PDE4A: variants seen among roughly 807,000 people sequenced by gnomAD.
PDE4A encodes the protein phosphodiesterase 4A, also known as 3',5'-cyclic-AMP phosphodiesterase 4A.
Under a neutral mutation model 73.9 loss-of-function variants are expected in PDE4A, and 21 were observed. That is an observed-to-expected ratio of 0.28 (90% CI 0.20 to 0.41). PDE4A has a LOEUF of 0.41. PDE4A is among the 10% of genes least tolerant of loss of function. The pLI, the probability that PDE4A is intolerant of heterozygous loss-of-function variation, is 1.00. For synonymous variants in PDE4A, 463 were observed against 505.4 expected (o/e 0.92, Z 1.13); for missense variants, 958 against 1,211.4 (o/e 0.79, Z 3.10).
intron 2 of PDE4A, chr19:10,448,688 C>CT (rs2043047552): frequency 3.2e-6 from 1 of 309,474 alleles, no homozygotes; most frequent in Non-Finnish European, 4.7e-6. Context: ...CCCTTTTCCA[C>CT]TTTGTCTCTT....
intron 2 of PDE4A, among the ~76,000 whole-genome samples, chr19:10,447,164 T>G (rs1258435361): frequency 4.1e-5 from 6 of 147,918 alleles, no homozygotes; most frequent in Admixed American, 2.7e-4. Context: ...CCTCCCAGAT[T>G]GCTGGGATTA....
intron 1 of PDE4A, among the ~76,000 whole-genome samples, chr19:10,432,951 A>T (rs1484472286): frequency 6.6e-6 from 1 of 151,994 alleles, no homozygotes; most frequent in East Asian, 1.9e-4. Flanking sequence ...CAGTGTCTCC[A>T]GCCTTACCTT....
At chr19:10,431,934 T>C (rs11878850) in intron 1 of PDE4A, among the ~76,000 whole-genome samples, 25,743 of 150,612 alleles carry the variant, frequency 0.17, 2,657 homozygotes, top group African/African-American at 0.28. Flanking sequence ...TCTGTTTTGT[T>C]TCTCCTTCCC....
At chr19:10,452,020 GGTGTGTGTGTGTGTGTGTGTGTGT>G (rs58194674) in intron 6 of PDE4A, among the ~76,000 whole-genome samples, 1 of 140,098 alleles carries the variant, frequency 7.1e-6, no homozygotes, top group Admixed American at 7.2e-5. Context: ...TTTCTGCAAT[GGTGTGTGTGTGTGTGTGTGTGTGT>G]GTGTGTGTGT....
At chr19:10,416,964 C>T, upstream of PDE4A, 1 of 1,545,044 alleles carries the variant, frequency 6.5e-7, no homozygotes, top group South Asian at 1.2e-5. Flanking sequence ...TCGCAGTGCC[C>T]TGTCCGTGGC....
At chr19:10,451,007 A>G in intron 6 of PDE4A, 66 bp downstream of exon 6, 3 of 1,463,890 alleles carry the variant, frequency 2.0e-6, no homozygotes, top group Non-Finnish European at 2.8e-6. Flanking sequence ...GGTAGAGCCA[A>G]CCGCTGGATG....
intron 14 of PDE4A, 135 bp from the exon 15 acceptor site, chr19:10,466,752 C>T: frequency 7.1e-7 from 1 of 1,400,520 alleles, no homozygotes. Flanking sequence ...CCTCAGCCTC[C>T]CAAAGTGCTG....
chr19:10,453,037 G>C lies in PDE4A; in HGVS notation c.784-1792G>C. ...CCCACCGCCTCCACCCACTGCCGCG[G>C]GGGGGCCCGTTGGGGCCCAGGGCTG... is the stretch of plus-strand genomic sequence containing the variant. On this transcript the variant is annotated intron_variant, in intron 6 of 14. Coordinates refer to ENST00000380702, the MANE Select transcript of PDE4A (RefSeq NM_001111307.2). This position sits in a 1 kb window ranked among gnomAD's most constrained non-coding sequence, Gnocchi z 4.6. The C allele has an allele frequency of 1.5e-6, 2 of 1,339,484 alleles. No individual in the cohort carries two copies. The highest frequency in any genetic ancestry group is 1.9e-6 in the Non-Finnish European group (2 of 1,046,860). The allele number at this position is 1,339,484 out of a possible 1,614,324, so 83.0% of individuals were successfully genotyped here.
intron 14 of PDE4A, among the ~76,000 whole-genome samples, chr19:10,464,866 A>G (rs971902442): frequency 6.6e-6 from 1 of 151,088 alleles, no homozygotes; most frequent in African/African-American, 2.4e-5. Flanking sequence ...ATAGGCGTGC[A>G]CCACCACACT....
chr19:10,436,560 A>AAAC (rs35670850), intron 1 of PDE4A, among the ~76,000 whole-genome samples: 59,362 of 151,792 alleles, frequency 0.39, 12,504 homozygotes, highest in East Asian at 0.56. Context: ...CGTCTCAAAA[A>AAAC]AACAACAAAA....
rs1266719764 is a variant in PDE4A at position 10,469,231 on chromosome 19, T to C, written c.*1610T>C. 1.3e-5 allele frequency: 2 copies of C among 152,292 alleles called. No homozygotes were observed. The highest frequency in any genetic ancestry group is 2.4e-5 in the African/African-American group (1 of 41,440). 9.4% of individuals were successfully genotyped at this position (152,292 alleles called of 1,614,324 possible). On this transcript the variant is annotated 3_prime_UTR_variant, in exon 15 of 15. Transcript: ENST00000380702. ...TGTAAGGTTGGTTTGTAAATTATTC[T>C]ACGGAGGCAAAAAGGGAAAATAAAA... is the stretch of plus-strand genomic sequence containing the variant.
At chr19:10,457,662 C>A in intron 7 of PDE4A, 1 of 380,518 alleles carries the variant, frequency 2.6e-6, no homozygotes, top group Non-Finnish European at 3.6e-6. Context: ...CGGGGCCATC[C>A]CAGAGCCCTG....
upstream of PDE4A, chr19:10,417,226 T>C (rs1273841660): frequency 1.6e-5 from 16 of 985,038 alleles, no homozygotes; most frequent in Non-Finnish European, 1.8e-5. Context: ...AGGAGAGGAT[T>C]TTGGCGAGGA....
At chr19:10,421,914 T>C (rs996896556) in intron 1 of PDE4A, among the ~76,000 whole-genome samples, 2 of 152,166 alleles carry the variant, frequency 1.3e-5, no homozygotes, top group Non-Finnish European at 1.5e-5. Context: ...CTGTGTGAGC[T>C]TCTGGGGTCT....
rs933916843 is a variant in PDE4A, at chr19:10,423,498, G to A, written c.320+2414G>A. Among the ~76,000 whole-genome samples, 4 of 152,076 alleles carry A rather than the reference G, an allele frequency of 2.6e-5. No homozygotes were observed. In the South Asian group the frequency reaches 8.3e-4, roughly 31 times the overall value. On this transcript the variant is annotated intron_variant, in intron 1 of 14. Transcript: ENST00000380702. ...TTTCTCACCCAAACTCACACAACCA[G>A]GAGATGGGGGAGCTGGAATTGCAAC...
chr19:10,417,748 G>A (rs747135963), upstream of PDE4A: 3 of 1,581,786 alleles, frequency 1.9e-6, no homozygotes, highest in Non-Finnish European at 2.6e-6. Context: ...TCCGGTCCTG[G>A]CCTGGGCTGG....
At chr19:10,430,962 C>G in intron 1 of PDE4A, 1 of 1,539,656 alleles carries the variant, frequency 6.5e-7, no homozygotes, top group African/African-American at 1.4e-5. Context: ...GCGCGCGCCC[C>G]GCCGCCCGCG....
At chr19:10,459,530 G>A in intron 9 of PDE4A, 32 bp downstream of exon 9, 1 of 1,611,500 alleles carries the variant, frequency 6.2e-7, no homozygotes, top group South Asian at 1.1e-5. Context: ...GGGCCCGGGT[G>A]AGGGGCTCAT....
chr19:10,421,245 G>T (rs2042647754), intron 1 of PDE4A, 161 bp downstream of exon 1: 1 of 985,240 alleles, frequency 1.0e-6, no homozygotes, highest in African/African-American at 1.7e-5. Context: ...CCTGGCCCCT[G>T]GTTGTGCGCT....
Sources: gnomAD v4.1 joint callset for allele counts (sites outside exome capture counted in the v4.1 genomes callset) on GRCh38, gnomAD v4.1.1 for gene constraint, Gnocchi (gnomAD v3.1) non-coding constraint, MANE v1.5 for transcripts, NCBI Gene and HGNC (gene_info 2026-07-23, HGNC 2026-07-21) for gene names.